PRKAA2: variants seen among roughly 807,000 people sequenced by gnomAD.
PRKAA2 encodes the protein protein kinase AMP-activated catalytic subunit alpha 2, also known as 5'-AMP-activated protein kinase catalytic subunit alpha-2.
PRKAA2 carries 40 observed loss-of-function variants against 56.3 expected under a neutral mutation model. The ratio of observed to expected loss-of-function variants is 0.71; its 90% CI spans 0.55 to 0.92. The LOEUF is 0.92. PRKAA2 is among the 40% of genes least tolerant of loss of function. The probability of loss-of-function intolerance (pLI) is 0.00; values close to 1 mark genes in which losing one functional copy is unlikely to be tolerated. For missense variants in PRKAA2, 542 were observed against 686.9 expected (o/e 0.79, Z 2.36); for synonymous variants, 214 against 234.2 (o/e 0.91, Z 0.79).
intron 1 of PRKAA2, among the ~76,000 whole-genome samples, chr1:56,657,641 A>T (rs1643956629): frequency 6.6e-6 from 1 of 152,094 alleles, no homozygotes; most frequent in Non-Finnish European, 1.5e-5. Flanking sequence ...GTGCCACTGC[A>T]CTCCAGCCTG....
chr1:56,684,676 G>A lies in PRKAA2; in HGVS notation c.237-6718G>A, dbSNP rs1644178982. Among the ~76,000 whole-genome samples the A allele has an allele frequency of 1.3e-5, 2 of 152,262 alleles. 1 individual carries two copies. The highest frequency in any genetic ancestry group is 3.9e-4 in the East Asian group (2 of 5,174). On this transcript the variant is annotated intron_variant, in intron 2 of 8. Transcript: ENST00000371244. ...GTAAGATGATAACGGAGAATTGACT[G>A]TTGGATTTGGCAACGTGGAGGTTGC...
At chr1:56,680,632 G>A (rs1203739213) in intron 2 of PRKAA2, among the ~76,000 whole-genome samples, 1 of 152,092 alleles carries the variant, frequency 6.6e-6, no homozygotes, top group Non-Finnish European at 1.5e-5. Context: ...CCTTGTGATA[G>A]TTTGCTGAGA....
chr1:56,696,954 A>T (rs1644262354), intron 6 of PRKAA2, among the ~76,000 whole-genome samples: 1 of 147,822 alleles, frequency 6.8e-6, no homozygotes, highest in South Asian at 2.1e-4. Flanking sequence ...GTTTACAAAC[A>T]TGTTCTTTTG....
intron 6 of PRKAA2, among the ~76,000 whole-genome samples, chr1:56,700,442 C>T (rs1034994097): frequency 2.0e-5 from 3 of 152,094 alleles, no homozygotes; most frequent in African/African-American, 7.2e-5. Context: ...AATTTTTTCT[C>T]AGGCAAACAC....
intron 1 of PRKAA2, among the ~76,000 whole-genome samples, chr1:56,672,389 T>G (rs532741997): frequency 6.6e-6 from 1 of 152,306 alleles, no homozygotes; most frequent in South Asian, 2.1e-4. Context: ...AGTGCTGGGA[T>G]TACAGGCATG....
rs1644098530 is a variant in PRKAA2, at chr1:56,674,362, T to C, written c.95-19T>C. 3.3e-6 allele frequency: 5 copies of C among 1,523,432 alleles called. No homozygotes were observed. Among genetic ancestry groups the C allele is most frequent in the Non-Finnish European group, 4.4e-6 (5 of 1,140,218 alleles). The allele number at this position is 1,523,432 out of a possible 1,614,324, so 94.4% of individuals were successfully genotyped here. On this transcript the variant is annotated intron_variant, in intron 1 of 8. Coordinates refer to ENST00000371244, the MANE Select transcript of PRKAA2 (RefSeq NM_006252.4). ...TGTTGATATGATAGCACATTTTTTTTCCTTTTTCTTTTCTTTAGTTGGAGA... is the reference window on the plus strand; with the variant it reads ...TGTTGATATGATAGCACATTTTTTTCCCTTTTTCTTTTCTTTAGTTGGAGA...
chr1:56,645,380 C>T lies in PRKAA2; in HGVS notation c.-8C>T. 6.8e-7 allele frequency: 1 copy of T among 1,469,708 alleles called. No individual in the cohort carries two copies. The highest frequency in any genetic ancestry group is 9.1e-7 in the Non-Finnish European group (1 of 1,101,858). The allele number at this position is 1,469,708 out of a possible 1,614,324, so 91.0% of individuals were successfully genotyped here. A position where few individuals can be genotyped will look rare whatever the true frequency, so the allele number is the denominator to read the frequency against. ...GCAGGCGGTGGAGCGAGGCCGCGCGCGCCGAAGATGGCTGAGAAGCAGAAG... is the reference window on the plus strand; with the variant it reads ...GCAGGCGGTGGAGCGAGGCCGCGCGTGCCGAAGATGGCTGAGAAGCAGAAG... On this transcript the variant is annotated 5_prime_UTR_variant, in exon 1 of 9. Transcript: ENST00000371244.
chr1:56,654,035 C>A (rs1409250973), intron 1 of PRKAA2, among the ~76,000 whole-genome samples: 1 of 151,998 alleles, frequency 6.6e-6, no homozygotes, highest in Non-Finnish European at 1.5e-5. Flanking sequence ...AAGTCCTGGT[C>A]CACTTGTAGT....
intron 1 of PRKAA2, among the ~76,000 whole-genome samples, chr1:56,655,280 A>ATATATATATATTTTTTTTTTTTT: frequency 4.2e-4 from 39 of 93,632 alleles, no homozygotes; most frequent in African/African-American, 1.5e-3. Flanking sequence ...ATATATATAT[A>ATATATATATATTTTTTTTTTTTT]TTTTTTTTTT....
intron 5 of PRKAA2, 107 bp downstream of exon 5, chr1:56,693,959 G>A: frequency 2.8e-6 from 2 of 713,790 alleles, no homozygotes; most frequent in Non-Finnish European, 4.4e-6. Flanking sequence ...TGGTAGAAAT[G>A]GATTATTCAT....
chr1:56,691,310 TA>T (rs749732027), intron 2 of PRKAA2, 83 bp from the exon 3 acceptor site: 7 of 851,456 alleles, frequency 8.2e-6, no homozygotes, highest in Non-Finnish European at 1.3e-5. Context: ...CATTGAAATA[TA>T]AAATTGTAGC....
Position 56,709,731 on chromosome 1 carries a change from G to A in PRKAA2, c.*2018G>A, listed in dbSNP as rs922429065. On this transcript the variant is annotated 3_prime_UTR_variant, in exon 9 of 9. Coordinates refer to ENST00000371244, the MANE Select transcript of PRKAA2 (RefSeq NM_006252.4). ...CAAAAATTTTGAAGGCAGAGAAACA[G>A]AAGGAATCCAGTGATGTTTTAGCTC... The A allele has an allele frequency of 1.3e-5, 2 of 152,108 alleles. No individual in the cohort carries two copies. The highest frequency in any genetic ancestry group is 4.8e-5 in the African/African-American group (2 of 41,444). The allele number at this position is 152,108 out of a possible 1,614,324, so 9.4% of individuals were successfully genotyped here.
At chr1:56,665,981 T>C (rs1644033204) in intron 1 of PRKAA2, among the ~76,000 whole-genome samples, 1 of 152,224 alleles carries the variant, frequency 6.6e-6, no homozygotes, top group South Asian at 2.1e-4. Context: ...AATGCAGTAC[T>C]ACATAGGATT....
chr1:56,681,820 G>T (rs938148221), intron 2 of PRKAA2, among the ~76,000 whole-genome samples: 1 of 152,126 alleles, frequency 6.6e-6, no homozygotes, highest in Non-Finnish European at 1.5e-5. Context: ...TTTGGCTTAG[G>T]CTTGTCTTGG....
chr1:56,645,457 G>C lies in PRKAA2; in HGVS notation c.70G>C (p.Val24Leu), dbSNP rs1295726050. 6.6e-7 allele frequency: 1 copy of C among 1,506,040 alleles called. No homozygotes were observed. The highest frequency in any genetic ancestry group is 1.4e-5 in the African/African-American group (1 of 69,060). The allele number at this position is 1,506,040 out of a possible 1,614,324, so 93.3% of individuals were successfully genotyped here. A position where few individuals can be genotyped will look rare whatever the true frequency, so the allele number is the denominator to read the frequency against. ...CTACGTGCTGGGCGACACGCTGGGC[G>C]TCGGCACCTTCGGCAAAGTGAAGAG... The part of the protein sequence containing the change: ...GHYVLGDTLG[V>L]GTFGKVKIGE... Residue 24 changes from valine (V) to leucine (L), a missense_variant, in exon 1 of 9, where the codon GTC becomes CTC. This residue lies in a region of PRKAA2 where 59 missense variants were observed against 53.9 expected (regional missense o/e 1.09). Coordinates refer to ENST00000371244, the MANE Select transcript of PRKAA2 (RefSeq NM_006252.4).
chr1:56,693,961 A>T, intron 5 of PRKAA2, 109 bp downstream of exon 5: 1 of 712,272 alleles, frequency 1.4e-6, no homozygotes, highest in Non-Finnish European at 2.2e-6. Context: ...GTAGAAATGG[A>T]TTATTCATTT....
intron 4 of PRKAA2, 112 bp from the exon 5 acceptor site, chr1:56,693,653 A>T (rs1455445502): frequency 1.3e-5 from 7 of 531,060 alleles, no homozygotes; most frequent in African/African-American, 2.3e-5. Flanking sequence ...TTAATAACTT[A>T]AAAAAAAATG....
chr1:56,655,280 A>ATATATATTTTTTTT lies in PRKAA2; in HGVS notation c.94+9800_94+9801insATATATTTTTTTTT. Among the ~76,000 whole-genome samples the ATATATATTTTTTTT allele has an allele frequency of 1.0e-3, 94 of 93,656 alleles. 1 individual carries two copies. Among genetic ancestry groups the ATATATATTTTTTTT allele is most frequent in the Non-Finnish European group, 1.2e-3 (63 of 51,832 alleles). 61.4% of individuals were successfully genotyped at this position (93,656 alleles called of 152,430 possible). ...TGTATTTATATATCTATATATATATATTTTTTTTTTTTTTTTGTAGAGACA... is the reference window on the plus strand; with the variant it reads ...TGTATTTATATATCTATATATATATATATATATTTTTTTTTTTTTTTTTTTTTTTTGTAGAGACA... On this transcript the variant is annotated intron_variant, in intron 1 of 8. Transcript: ENST00000371244.
chr1:56,645,797 C>G (rs1014692254), intron 1 of PRKAA2, among the ~76,000 whole-genome samples: 3 of 152,116 alleles, frequency 2.0e-5, no homozygotes, highest in Non-Finnish European at 2.9e-5. Flanking sequence ...CCTCAGTGTC[C>G]TCCTCTGCAA....
Sources: allele counts gnomAD v4.1 joint callset (sites outside exome capture counted in the v4.1 genomes callset), GRCh38; gene constraint gnomAD v4.1.1; regional missense constraint gnomAD v4.1.1; transcripts MANE v1.5; gene names NCBI Gene and HGNC (gene_info 2026-07-23, HGNC 2026-07-21).